AR: variants seen among roughly 807,000 people sequenced by gnomAD.
The protein encoded by AR is androgen receptor.
A neutral mutation model predicts 53.9 loss-of-function variants in AR; 8 were observed. The observed-to-expected ratio is 0.15, with a 90% CI of 0.09 to 0.27. AR has a LOEUF of 0.27. AR is among the 10% of genes least tolerant of loss of function. AR has a pLI of 1.00. For missense variants in AR, 639 were observed against 742.5 expected (o/e 0.86, Z 1.62); for synonymous variants, 359 against 316.4 (o/e 1.13, Z -1.43).
intron 1 of AR, among the ~76,000 whole-genome samples, chrX:67,604,021 G>A (rs1278590962): frequency 2.7e-5 from 3 of 110,799 alleles, no homozygotes; most frequent in Non-Finnish European, 5.7e-5. Context: ...GTCAGGATTA[G>A]TACCAAGACA....
At chrX:67,562,856 C>G (rs182048200) in intron 1 of AR, among the ~76,000 whole-genome samples, 430 of 111,753 alleles carry the variant, frequency 3.8e-3, no homozygotes, top group Non-Finnish European at 6.8e-3. Context: ...GTAGAGCACT[C>G]TTCTTATAGA....
At chrX:67,662,110 C>T (rs1260937324) in intron 2 of AR, among the ~76,000 whole-genome samples, 2 of 111,487 alleles carry the variant, frequency 1.8e-5, no homozygotes, top group Non-Finnish European at 3.8e-5. Flanking sequence ...TGCTAGTGGT[C>T]TATCAATTTT....
Position 67,723,912 on chromosome X carries a change from T to C in AR, c.*71T>C, listed in dbSNP as rs2147541245. On this transcript the variant is annotated 3_prime_UTR_variant, in exon 8 of 8. Transcript: ENST00000374690. ...AGATGTCTTCTGCCTGTTATAACTC[T>C]GCACTACTCCTCTGCAGTGCCTTGG... 1.7e-6 allele frequency: 2 copies of C among 1,148,560 alleles called. No homozygotes were observed. The highest frequency in any genetic ancestry group is 4.3e-5 in the Admixed American group (2 of 45,979). 94.7% of individuals were successfully genotyped at this position (1,148,560 alleles called of 1,213,427 possible).
At chrX:67,661,781 T>C (rs779793675) in intron 2 of AR, among the ~76,000 whole-genome samples, 1 of 111,737 alleles carries the variant, frequency 8.9e-6, no homozygotes, top group East Asian at 2.8e-4. Flanking sequence ...AGCTCCTCCT[T>C]GTACCTCTGG....
At chrX:67,653,013 C>A (rs1421473952) in intron 2 of AR, among the ~76,000 whole-genome samples, 2 of 111,504 alleles carry the variant, frequency 1.8e-5, no homozygotes, top group Non-Finnish European at 3.8e-5. Flanking sequence ...ATTTTATAGA[C>A]CCATCCTGAC....
At chrX:67,690,655 A>G (rs1433338616) in intron 3 of AR, among the ~76,000 whole-genome samples, 1 of 112,050 alleles carries the variant, frequency 8.9e-6, no homozygotes, top group Non-Finnish European at 1.9e-5. Flanking sequence ...AGTACCAACT[A>G]TGTGCCAGAC....
At chrX:67,602,804 T>TA (rs951050954) in intron 1 of AR, among the ~76,000 whole-genome samples, 8 of 110,137 alleles carry the variant, frequency 7.3e-5, no homozygotes, top group South Asian at 7.6e-4. Context: ...ACTTCTGACC[T>TA]AAAAAAAAAG....
At position 67,728,236 on chromosome X, in the gene AR, G is replaced by T. The variant is rs1189873912; in HGVS notation, c.*4395G>T. The T allele has an allele frequency of 6.1e-6, 1 of 165,227 alleles. No individual in the cohort carries two copies. Among genetic ancestry groups the T allele is most frequent in the East Asian group, 8.6e-5 (1 of 11,645 alleles). The allele number at this position is 165,227 out of a possible 1,213,427, so 13.6% of individuals were successfully genotyped here. A position where few individuals can be genotyped will look rare whatever the true frequency, so the allele number is the denominator to read the frequency against. ...GAATTGAAAATAATTTCGGGAAAAT[G>T]GGATTATGGGTCCTTCACTAAGTGA... On this transcript the variant is annotated 3_prime_UTR_variant, in exon 8 of 8. Transcript: ENST00000374690.
At chrX:67,644,083 A>C (rs1925932310) in intron 2 of AR, among the ~76,000 whole-genome samples, 1 of 112,531 alleles carries the variant, frequency 8.9e-6, no homozygotes, top group African/African-American at 3.2e-5. Flanking sequence ...AATTGGCTCA[A>C]GCCCTAGCTC....
rs769606394 is a variant in AR at position 67,705,468 on chromosome X, A to G, written c.1886-5934A>G. 2.7e-5 allele frequency among the ~76,000 whole-genome samples: 3 copies of G among 111,480 alleles called. No homozygotes were observed. In the South Asian group the frequency reaches 1.1e-3, roughly 42 times the overall value. On this transcript the variant is annotated intron_variant, in intron 3 of 7. Coordinates refer to ENST00000374690, the MANE Select transcript of AR (RefSeq NM_000044.6). Reference sequence around the variant, plus strand: ...GTTTGTGTGTTATTGGTGTATAAGAATGCTTGTGATTTTTGCACATTGATT... The same window carrying G: ...GTTTGTGTGTTATTGGTGTATAAGAGTGCTTGTGATTTTTGCACATTGATT...
rs2076140769 is a variant in AR at position 67,722,673 on chromosome X, GC to G, written c.2450-150del. 3.4e-6 allele frequency: 2 copies of G among 589,162 alleles called. 1 individual carries two copies. The highest frequency in any genetic ancestry group is 5.5e-5 in the Admixed American group (2 of 36,457). The allele number at this position is 589,162 out of a possible 1,213,427, so 48.6% of individuals were successfully genotyped here. On this transcript the variant is annotated intron_variant, in intron 6 of 7. Transcript: ENST00000374690. Reference sequence around the variant, plus strand: ...CTGAGATCTCCCTGACAGACTGAAGGCCCCAAGCACACAGACTTCAACTAAC... The same window carrying G: ...CTGAGATCTCCCTGACAGACTGAAGGCCCAAGCACACAGACTTCAACTAAC...
rs905689720 is a variant in AR, at chrX:67,578,481, A to G, written c.1616+31719A>G. Among the ~76,000 whole-genome samples the G allele has an allele frequency of 8.9e-5, 10 of 111,853 alleles. No individual in the cohort carries two copies. In the Admixed American group the frequency reaches 9.5e-4, roughly 11 times the overall value. The stretch of plus-strand genomic sequence containing the variant: ...ATAAAATAAACTCAAGTGGGAAATC[A>G]TGAAACCCCATGTAAAAACAATAAG... On this transcript the variant is annotated intron_variant, in intron 1 of 7. Coordinates refer to ENST00000374690, the MANE Select transcript of AR (RefSeq NM_000044.6).
In AR at chrX:67,711,485, A is replaced by G. The variant is rs951911536; in HGVS notation, c.1969A>G (p.Thr657Ala). The G allele has an allele frequency of 9.1e-6, 11 of 1,208,596 alleles. No homozygotes were observed. The highest frequency in any genetic ancestry group is 1.2e-5 in the Non-Finnish European group (11 of 894,607). The change falls in exon 4 of 8, where the codon ACC becomes GCC. Residue 657 changes from threonine to alanine, a missense_variant. By Grantham distance (58) the Thr-to-Ala change is moderately conservative. Coordinates refer to ENST00000374690, the MANE Select transcript of AR (RefSeq NM_000044.6). ...SSTTSPTEET[T>A]QKLTVSHIEG... ...CACCACCAGCCCCACTGAGGAGACA[A>G]CCCAGAAGCTGACAGTGTCACACAT... is the stretch of plus-strand genomic sequence containing the variant.
rs193160657 is a variant in AR, at chrX:67,724,368, C to A, written c.*527C>A. The A allele has an allele frequency of 1.6e-4, 28 of 177,827 alleles. No individual in the cohort carries two copies. The East Asian group carries it at 2.2e-3, about 14-fold the overall frequency. 14.7% of individuals were successfully genotyped at this position (177,827 alleles called of 1,213,427 possible). ...AAATAAATAAATAAATAAATAAATA[C>A]GTACATACATACACACATACATACA... On this transcript the variant is annotated 3_prime_UTR_variant, in exon 8 of 8. Transcript: ENST00000374690.
chrX:67,589,908 G>A lies in AR; in HGVS notation c.1616+43146G>A, dbSNP rs767199087. Among the ~76,000 whole-genome samples the A allele has an allele frequency of 1.3e-4, 14 of 111,798 alleles. No individual in the cohort carries two copies. In the South Asian group the frequency reaches 5.3e-3, roughly 43 times the overall value. ...CTATTTTATATATCCCAATAGAGAAGCGTGGAAGACATCTAGGTTGCCACT... is the reference window on the plus strand; with the variant it reads ...CTATTTTATATATCCCAATAGAGAAACGTGGAAGACATCTAGGTTGCCACT... On this transcript the variant is annotated intron_variant, in intron 1 of 7. Transcript: ENST00000374690.
intron 1 of AR, among the ~76,000 whole-genome samples, chrX:67,619,770 T>A (rs1602197301): frequency 9.0e-6 from 1 of 111,238 alleles, no homozygotes; most frequent in South Asian, 3.8e-4. Flanking sequence ...CTGTTATTAT[T>A]GTGCTATATG....
intron 3 of AR, among the ~76,000 whole-genome samples, chrX:67,693,608 C>A (rs1004511063): frequency 8.9e-6 from 1 of 111,837 alleles, no homozygotes; most frequent in Non-Finnish European, 1.9e-5. Flanking sequence ...GAGACATTTG[C>A]ACATCTTTTG....
At chrX:67,558,903 A>G (rs767770830) in intron 1 of AR, among the ~76,000 whole-genome samples, 6 of 112,468 alleles carry the variant, frequency 5.3e-5, no homozygotes, top group African/African-American at 1.9e-4. Flanking sequence ...AGATGAAGAA[A>G]CAGGCACAGA....
At chrX:67,688,400 G>A (rs1245400094) in intron 3 of AR, among the ~76,000 whole-genome samples, 1 of 111,719 alleles carries the variant, frequency 9.0e-6, no homozygotes. Flanking sequence ...CAGATGACAT[G>A]ATGAATGTGA....
Sources: gnomAD v4.1 joint callset for allele counts (sites outside exome capture counted in the v4.1 genomes callset) on GRCh38, gnomAD v4.1.1 for gene constraint, MANE v1.5 for transcripts, NCBI Gene and HGNC (gene_info 2026-07-23, HGNC 2026-07-21) for gene names.